Variants in MFHAS1 observed in about 807,000 individuals in gnomAD.
The protein encoded by MFHAS1 is malignant fibrous histiocytoma-amplified sequence 1.
MFHAS1 carries 50 observed loss-of-function variants against 70.4 expected under a neutral mutation model. That is an observed-to-expected ratio of 0.71 (90% CI 0.57 to 0.90). MFHAS1 has a LOEUF of 0.90. MFHAS1 is among the 40% of genes least tolerant of loss of function. MFHAS1 has a pLI of 0.00. For synonymous variants in MFHAS1, 952 were observed against 620.0 expected (o/e 1.54, Z -7.96); for missense variants, 1,795 against 1,347.6 (o/e 1.33, Z -5.20).
chr8:8,863,778 T>C (rs749277247), intron 1 of MFHAS1, among the ~76,000 whole-genome samples: 1 of 152,174 alleles, frequency 6.6e-6, no homozygotes, highest in African/African-American at 2.4e-5. Flanking sequence ...TCTATTAATA[T>C]GCAGTTTCTA....
chr8:8,824,755 G>C (rs1473133073), intron 1 of MFHAS1, among the ~76,000 whole-genome samples: 5 of 152,190 alleles, frequency 3.3e-5, no homozygotes, highest in Admixed American at 2.6e-4. Flanking sequence ...TCTAGAGTGA[G>C]ACAGGGTATC....
Position 8,890,388 on chromosome 8 carries a change from G to C in MFHAS1, c.2671C>G (p.Pro891Ala). Residue 891 changes from proline to alanine, a missense_variant, in exon 1 of 3, where the codon CCA becomes GCA. Pro to Ala is a conservative substitution (Grantham distance 27). Coordinates refer to ENST00000276282, the MANE Select transcript of MFHAS1 (RefSeq NM_004225.3). Reference protein sequence around the residue: ...QIEYSFPFTFPLGLFARYSVQ... With the variant: ...QIEYSFPFTFALGLFARYSVQ... ...CTGTAGCGTGCAAACAACCCAAGTGGAAAAGTAAAAGGAAAGCTATATTCA... is the reference window on the plus strand; with the variant it reads ...CTGTAGCGTGCAAACAACCCAAGTGCAAAAGTAAAAGGAAAGCTATATTCA... 1 of 1,614,110 alleles carries C rather than the reference G, an allele frequency of 6.2e-7. No individual in the cohort carries two copies. The highest frequency in any genetic ancestry group is 8.5e-7 in the Non-Finnish European group (1 of 1,180,046).
chr8:8,817,895 G>A (rs1806807474), intron 1 of MFHAS1, among the ~76,000 whole-genome samples: 1 of 152,186 alleles, frequency 6.6e-6, no homozygotes, highest in African/African-American at 2.4e-5. Context: ...GCTACGGGGA[G>A]CAGCTATAAA....
intron 1 of MFHAS1, among the ~76,000 whole-genome samples, chr8:8,872,998 G>A (rs995671394): frequency 6.6e-6 from 1 of 152,266 alleles, no homozygotes; most frequent in African/African-American, 2.4e-5. Context: ...TGGGAGTGAG[G>A]GGTGTCAGGG....
chr8:8,825,281 T>C (rs1807116101), intron 1 of MFHAS1, among the ~76,000 whole-genome samples: 1 of 152,226 alleles, frequency 6.6e-6, no homozygotes, highest in South Asian at 2.1e-4. Context: ...CAAGGAATTC[T>C]CCGGCGTCAG....
In MFHAS1 at chr8:8,829,782, A is replaced by G. The variant is rs150015838; in HGVS notation, c.2999-32291T>C. ...CAGGACCAATGGATGACAGCAAGTT[A>G]AACTAGAAGGGAGGGGAAGACACAT... On this transcript the variant is annotated intron_variant, in intron 1 of 2. Transcript: ENST00000276282. Among the ~76,000 whole-genome samples, 5 of 152,346 alleles carry G rather than the reference A, an allele frequency of 3.3e-5. No individual in the cohort carries two copies. The East Asian group carries it at 9.6e-4, about 29-fold the overall frequency.
chr8:8,888,645 A>T (rs1809864955), intron 1 of MFHAS1, among the ~76,000 whole-genome samples: 1 of 152,226 alleles, frequency 6.6e-6, no homozygotes, highest in South Asian at 2.1e-4. Flanking sequence ...AAAATCCCAT[A>T]TAAGTAAAAC....
chr8:8,836,831 C>G (rs912538529), intron 1 of MFHAS1, among the ~76,000 whole-genome samples: 1 of 152,208 alleles, frequency 6.6e-6, no homozygotes, highest in Non-Finnish European at 1.5e-5. Context: ...CCTTTCCCAT[C>G]TGAATCTTGC....
rs751453118 is a variant in MFHAS1, at chr8:8,890,363, C to G, written c.2696G>C (p.Ser899Thr). The G allele has an allele frequency of 6.2e-7, 1 of 1,614,210 alleles. No individual in the cohort carries two copies. The highest frequency in any genetic ancestry group is 8.5e-7 in the Non-Finnish European group (1 of 1,180,044). ...CACCACATGGCTGTTGATCTGGACACTGTAGCGTGCAAACAACCCAAGTGG... is the reference window on the plus strand; with the variant it reads ...CACCACATGGCTGTTGATCTGGACAGTGTAGCGTGCAAACAACCCAAGTGG... ...TFPLGLFARYSVQINSHVVHR... is the reference protein window; with the variant it reads ...TFPLGLFARYTVQINSHVVHR... The change falls in exon 1 of 3, where the codon AGT becomes ACT. Residue 899 changes from serine (S) to threonine (T), a missense_variant. Ser to Thr is a moderately conservative substitution (Grantham distance 58). Transcript: ENST00000276282.
At chr8:8,868,466 G>A (rs907095400) in intron 1 of MFHAS1, among the ~76,000 whole-genome samples, 3 of 150,616 alleles carry the variant, frequency 2.0e-5, no homozygotes, top group African/African-American at 7.3e-5. Flanking sequence ...AGTGCCACTC[G>A]GCTAATACAC....
Position 8,802,773 on chromosome 8 carries a change from G to A in MFHAS1, c.2999-5282C>T, listed in dbSNP as rs1806125659. 2.0e-5 allele frequency among the ~76,000 whole-genome samples: 3 copies of A among 152,190 alleles called. No homozygotes were observed. In the South Asian group the frequency reaches 6.2e-4, roughly 32 times the overall value. On this transcript the variant is annotated intron_variant, in intron 1 of 2. Coordinates refer to ENST00000276282, the MANE Select transcript of MFHAS1 (RefSeq NM_004225.3). ...TCCCTGGGAAGCTATCTTGGGGGGT[G>A]AAGGAGCAGGCTGTGCGGAAAGCAG... is the stretch of plus-strand genomic sequence containing the variant.
intron 1 of MFHAS1, among the ~76,000 whole-genome samples, chr8:8,802,332 T>G (rs1409445186): frequency 6.6e-6 from 1 of 152,194 alleles, no homozygotes; most frequent in Admixed American, 6.5e-5. Flanking sequence ...GCATGATGTT[T>G]AAATTAGGTA....
At chr8:8,869,351 C>G (rs1401120985) in intron 1 of MFHAS1, among the ~76,000 whole-genome samples, 1 of 152,174 alleles carries the variant, frequency 6.6e-6, no homozygotes, top group Non-Finnish European at 1.5e-5. Context: ...TCGTTATGCA[C>G]AACCATAAAG....
At chr8:8,830,377 G>C (rs1400645725) in intron 1 of MFHAS1, among the ~76,000 whole-genome samples, 2 of 152,170 alleles carry the variant, frequency 1.3e-5, no homozygotes, top group Non-Finnish European at 2.9e-5. Flanking sequence ...AAACGATTTG[G>C]CTTTCAGTAT....
At chr8:8,804,764 T>A (rs536848134) in intron 1 of MFHAS1, among the ~76,000 whole-genome samples, 1 of 152,326 alleles carries the variant, frequency 6.6e-6, no homozygotes, top group East Asian at 1.9e-4. Context: ...TCCCAATGAA[T>A]AACGCCAGGG....
intron 1 of MFHAS1, among the ~76,000 whole-genome samples, chr8:8,857,248 T>A (rs1305902665): frequency 6.6e-6 from 1 of 152,202 alleles, no homozygotes; most frequent in Non-Finnish European, 1.5e-5. Context: ...ATTGTTTAGT[T>A]ACTAAACTGC....
chr8:8,866,817 T>A (rs1313827539), intron 1 of MFHAS1, among the ~76,000 whole-genome samples: 3 of 152,218 alleles, frequency 2.0e-5, no homozygotes, highest in Non-Finnish European at 4.4e-5. Flanking sequence ...TGAACCAGTC[T>A]AACAAGCAAT....
At chr8:8,789,271 A>G (rs1295764086) in intron 2 of MFHAS1, among the ~76,000 whole-genome samples, 1 of 152,204 alleles carries the variant, frequency 6.6e-6, no homozygotes, top group African/African-American at 2.4e-5. Flanking sequence ...AAGCAGAGGA[A>G]GGCAATGAGG....
intron 1 of MFHAS1, among the ~76,000 whole-genome samples, chr8:8,802,356 A>T (rs1162625357): frequency 6.6e-6 from 1 of 152,224 alleles, no homozygotes; most frequent in Non-Finnish European, 1.5e-5. Context: ...CATACACGAA[A>T]CATACTGAAC....
Sources: allele counts gnomAD v4.1 joint callset (sites outside exome capture counted in the v4.1 genomes callset), GRCh38; gene constraint gnomAD v4.1.1; transcripts MANE v1.5; gene names NCBI Gene and HGNC (gene_info 2026-07-23, HGNC 2026-07-21).